Variants in KCNK4 observed in about 807,000 individuals in gnomAD.
KCNK4 encodes the protein potassium channel subfamily K member 4.
Under a neutral mutation model 28.8 loss-of-function variants are expected in KCNK4, and 22 were observed. That is an observed-to-expected ratio of 0.76 (90% CI 0.55 to 1.09). KCNK4 has a LOEUF of 1.09. Among genes scored for constraint, KCNK4 ranks in the 50% least tolerant of loss-of-function variants. The pLI, the probability that KCNK4 is intolerant of heterozygous loss-of-function variation, is 0.00. For missense variants in KCNK4, 483 were observed against 546.3 expected (o/e 0.88, Z 1.15); for synonymous variants, 263 against 252.9 (o/e 1.04, Z -0.38).
rs2034674164 is a variant in KCNK4, at chr11:64,292,981, A to C, written c.-38A>C. 6.6e-7 allele frequency: 1 copy of C among 1,511,766 alleles called. No homozygotes were observed. Among genetic ancestry groups the C allele is most frequent in the Admixed American group, 2.2e-5 (1 of 45,094 alleles). 93.6% of individuals were successfully genotyped at this position (1,511,766 alleles called of 1,614,324 possible). On this transcript the variant is annotated 5_prime_UTR_variant, in exon 2 of 7. Coordinates refer to ENST00000422670, the MANE Select transcript of KCNK4 (RefSeq NM_033310.3). The stretch of plus-strand genomic sequence containing the variant: ...CAGGAGCCCCCCGCCCGGCCCCTCC[A>C]GGCGGGCAGTGGAGCTGGCCCGGCG...
At chr11:64,292,203 C>A (rs1264108130) in intron 1 of KCNK4, 3 of 653,498 alleles carry the variant, frequency 4.6e-6, no homozygotes, top group African/African-American at 4.0e-5. Flanking sequence ...CGCTTGGCGG[C>A]GCGTGCCGGG....
At chr11:64,292,454 C>T (rs1016417247) in intron 1 of KCNK4, among the ~76,000 whole-genome samples, 4 of 152,156 alleles carry the variant, frequency 2.6e-5, no homozygotes, top group Admixed American at 2.6e-4. Context: ...CGAGAGGGGA[C>T]GGAGAAGCCG....
At chr11:64,296,804 G>C (rs1316704406) in intron 2 of KCNK4, 74 bp from the exon 3 acceptor site, 2 of 1,453,264 alleles carry the variant, frequency 1.4e-6, no homozygotes, top group Admixed American at 2.6e-5. Context: ...CCACCCTAGA[G>C]ACTGGAGGGG....
Position 64,299,414 on chromosome 11 carries a change from C to A in KCNK4, c.870C>A (p.Ala290=). 6.3e-7 allele frequency: 1 copy of A among 1,574,898 alleles called. No homozygotes were observed. Among genetic ancestry groups the A allele is most frequent in the Non-Finnish European group, 8.6e-7 (1 of 1,163,190 alleles). ...TGACAGCGCGCGTGACCCAGCGAGC[C>A]GGGCCCGCCGCCCCGCCGCCGGAGA... ...GTVTARVTQR[A]GPAAPPPEKE... is the part of the protein sequence containing the mutation. Residue 290 remains alanine, a synonymous_variant, in exon 7 of 7, where the codon GCC becomes GCA. Transcript: ENST00000422670.
chr11:64,298,207 C>T lies in KCNK4; in HGVS notation c.759C>T (p.Ile253=), dbSNP rs148870419. ...ACTTCGCCTCAGTGCTCACCACCAT[C>T]GGGAACTGGCTGCGAGTAGTGTCCC... ...LAYFASVLTT[I]GNWLRVVSRR... is the part of the protein sequence containing the mutation. The change falls in exon 6 of 7, where the codon ATC becomes ATT. Residue 253 remains isoleucine, a synonymous_variant. Transcript: ENST00000422670. The T allele has an allele frequency of 4.9e-5, 79 of 1,613,312 alleles. No homozygotes were observed. Among genetic ancestry groups the T allele is most frequent in the African/African-American group, 2.9e-4 (22 of 74,932 alleles).
chr11:64,299,418 C>T lies in KCNK4; in HGVS notation c.874C>T (p.Pro292Ser). The change falls in exon 7 of 7, where the codon CCC (proline) becomes TCC (serine). Residue 292 changes from proline (P) to serine (S), a missense_variant. Physicochemically the swap from Pro to Ser is moderately conservative, Grantham distance 74. Coordinates refer to ENST00000422670, the MANE Select transcript of KCNK4 (RefSeq NM_033310.3). Reference sequence around the variant, plus strand: ...AGCGCGCGTGACCCAGCGAGCCGGGCCCGCCGCCCCGCCGCCGGAGAAGGA... The same window carrying T: ...AGCGCGCGTGACCCAGCGAGCCGGGTCCGCCGCCCCGCCGCCGGAGAAGGA... ...VTARVTQRAGPAAPPPEKEQP... is the reference protein window; with the variant it reads ...VTARVTQRAGSAAPPPEKEQP... 1 of 1,575,584 alleles carries T rather than the reference C, an allele frequency of 6.3e-7. No homozygotes were observed. Among genetic ancestry groups the T allele is most frequent in the Non-Finnish European group, 8.6e-7 (1 of 1,163,290 alleles).
intron 1 of KCNK4, 127 bp from the exon 2 acceptor site, chr11:64,292,815 C>T: frequency 1.9e-6 from 2 of 1,060,364 alleles, no homozygotes; most frequent in Non-Finnish European, 2.5e-6. Context: ...GTGTGTCCAG[C>T]CAGAGGGATG....
At chr11:64,299,285 C>T in intron 6 of KCNK4, 61 bp from the exon 7 acceptor site, 1 of 1,405,974 alleles carries the variant, frequency 7.1e-7, no homozygotes, top group Non-Finnish European at 9.4e-7. Flanking sequence ...GGGCAGGTTC[C>T]CGGGGGGTCG....
intron 2 of KCNK4, among the ~76,000 whole-genome samples, chr11:64,296,495 A>G (rs1333831613): frequency 6.6e-6 from 1 of 152,028 alleles, no homozygotes; most frequent in Non-Finnish European, 1.5e-5. Context: ...TGCTGTCACT[A>G]TCCTTCCCAC....
chr11:64,297,724 C>T, intron 5 of KCNK4, 71 bp downstream of exon 5: 1 of 1,493,538 alleles, frequency 6.7e-7, no homozygotes, highest in Non-Finnish European at 9.1e-7. Flanking sequence ...GCACTCCTGC[C>T]TTTCCCTCCA....
chr11:64,299,940 G>T lies in KCNK4; in HGVS notation c.*214G>T. ...CTTTCTGTGTCGCTGCCCCGGGCGG[G>T]TGTATCCCTCACAGCACCTCACGAC... On this transcript the variant is annotated 3_prime_UTR_variant, in exon 7 of 7. Transcript: ENST00000422670. 1.2e-6 allele frequency: 1 copy of T among 865,500 alleles called. No homozygotes were observed. The highest frequency in any genetic ancestry group is 1.8e-6 in the Non-Finnish European group (1 of 566,788). 53.6% of individuals were successfully genotyped at this position (865,500 alleles called of 1,614,324 possible).
chr11:64,299,196 G>A (rs2034857394), intron 6 of KCNK4, 150 bp from the exon 7 acceptor site: 2 of 673,140 alleles, frequency 3.0e-6, no homozygotes, highest in African/African-American at 1.9e-5. Flanking sequence ...CAGTGGAGGA[G>A]CCCTTCCATC....
chr11:64,299,768 G>A lies in KCNK4; in HGVS notation c.*42G>A. 1.3e-6 allele frequency: 2 copies of A among 1,538,718 alleles called. No homozygotes were observed. Among genetic ancestry groups the A allele is most frequent in the Non-Finnish European group, 1.7e-6 (2 of 1,148,138 alleles). On this transcript the variant is annotated 3_prime_UTR_variant, in exon 7 of 7. Coordinates refer to ENST00000422670, the MANE Select transcript of KCNK4 (RefSeq NM_033310.3). ...CGGGCCTCTCAAGGGCTTCGTTTCT[G>A]CTCTCCCCGGCATGCCTGGCTTGTT...
At chr11:64,291,952 CG>C (rs2034639417) in intron 1 of KCNK4, 4 of 930,354 alleles carry the variant, frequency 4.3e-6, no homozygotes, top group South Asian at 1.9e-5. Flanking sequence ...TGTGCGGACG[CG>C]GGGGAGGCGG....
Position 64,292,967 on chromosome 11 carries a change from C to T in KCNK4, c.-52C>T. The T allele has an allele frequency of 1.3e-6, 2 of 1,496,644 alleles. No individual in the cohort carries two copies. The highest frequency in any genetic ancestry group is 1.3e-5 in the South Asian group (1 of 77,836). 92.7% of individuals were successfully genotyped at this position (1,496,644 alleles called of 1,614,324 possible). A position where few individuals can be genotyped will look rare whatever the true frequency, so the allele number is the denominator to read the frequency against. On this transcript the variant is annotated 5_prime_UTR_variant, in exon 2 of 7. Transcript: ENST00000422670. ...TGACGACAGCTCCCCAGGAGCCCCCCGCCCGGCCCCTCCAGGCGGGCAGTG... is the reference window on the plus strand; with the variant it reads ...TGACGACAGCTCCCCAGGAGCCCCCTGCCCGGCCCCTCCAGGCGGGCAGTG...
intron 2 of KCNK4, 25 bp from the exon 3 acceptor site, chr11:64,296,853 C>T (rs769758330): frequency 1.8e-5 from 27 of 1,499,326 alleles, no homozygotes; most frequent in Admixed American, 2.4e-5. Flanking sequence ...AACTGAAGCT[C>T]CTCCTTCTGC....
rs760674328 is a variant in KCNK4 at position 64,299,586 on chromosome 11, G to C, written c.1042G>C (p.Asp348His). 5.0e-6 allele frequency: 8 copies of C among 1,610,206 alleles called. No individual in the cohort carries two copies. Among genetic ancestry groups the C allele is most frequent in the Non-Finnish European group, 5.9e-6 (7 of 1,178,958 alleles). ...TCCCAGCGAGAACCTGGCCTTCATC[G>C]ACGAGTCCTCGGATACGCAGAGCGA... is the stretch of plus-strand genomic sequence containing the variant. ...DYPSENLAFI[D>H]ESSDTQSERG... is the part of the protein sequence containing the mutation. The change falls in exon 7 of 7, where the codon GAC (aspartate) becomes CAC (histidine). Residue 348 changes from aspartate (D) to histidine (H), a missense_variant. Asp to His is a moderately conservative substitution (Grantham distance 81). Coordinates refer to ENST00000422670, the MANE Select transcript of KCNK4 (RefSeq NM_033310.3).
At chr11:64,292,211 G>C in intron 1 of KCNK4, 1 of 582,178 alleles carries the variant, frequency 1.7e-6, no homozygotes, top group Non-Finnish European at 2.2e-6. Flanking sequence ...GGCGCGTGCC[G>C]GGGCGTGTGT....
intron 5 of KCNK4, 145 bp downstream of exon 5, chr11:64,297,798 C>T (rs932815484): frequency 3.6e-6 from 3 of 832,372 alleles, no homozygotes; most frequent in South Asian, 1.8e-5. Flanking sequence ...GCCTTGCACA[C>T]ACACCAGCGC....
Sources: gnomAD v4.1 joint callset for allele counts (sites outside exome capture counted in the v4.1 genomes callset) on GRCh38, gnomAD v4.1.1 for gene constraint, MANE v1.5 for transcripts, NCBI Gene and HGNC (gene_info 2026-07-23, HGNC 2026-07-21) for gene names.